The following TBC1D19 variants were observed in gnomAD, a reference collection of about 807,000 sequenced individuals.
TBC1D19 encodes TBC1 domain family, member 19.
TBC1D19 carries 60 observed loss-of-function variants against 89.0 expected under a neutral mutation model. The ratio of observed to expected loss-of-function variants is 0.67; its 90% CI spans 0.55 to 0.84. The LOEUF (loss-of-function observed/expected upper bound fraction) is 0.84, where lower values mean the gene tolerates loss of function less well. Ranked by LOEUF, TBC1D19 falls within the 40% of genes least tolerant of loss-of-function variation. The pLI, the probability that TBC1D19 is intolerant of heterozygous loss-of-function variation, is 0.00. For synonymous variants in TBC1D19, 189 were observed against 199.7 expected (o/e 0.95, Z 0.45); for missense variants, 500 against 610.8 (o/e 0.82, Z 1.91).
chr4:26,765,044 G>A, the TBC1D19 span, among the ~76,000 whole-genome samples: 1 of 152,120 alleles, frequency 6.6e-6, no homozygotes, highest in Non-Finnish European at 1.5e-5. Flanking sequence ...ACATGTTGAA[G>A]CCACAAAGGA....
the TBC1D19 span, among the ~76,000 whole-genome samples, chr4:26,768,557 G>C: frequency 6.6e-6 from 1 of 152,070 alleles, no homozygotes; most frequent in East Asian, 1.9e-4. Flanking sequence ...GTATAAGCAA[G>C]AACATTACTT....
At chr4:26,709,855 A>G (rs532984880) in intron 13 of TBC1D19, among the ~76,000 whole-genome samples, 34 of 152,016 alleles carry the variant, frequency 2.2e-4, no homozygotes, top group Admixed American at 1.1e-3. Context: ...TTTATAGATG[A>G]TTCTTACAAC....
intron 20 of TBC1D19, chr4:26,754,206 T>G: frequency 4.4e-6 from 1 of 229,382 alleles, no homozygotes; most frequent in Non-Finnish European, 8.7e-6. Flanking sequence ...TTCATGTCCA[T>G]GCATTATTTT....
rs781078831 is a variant in TBC1D19 at position 26,748,499 on chromosome 4, G to A, written c.1408G>A (p.Gly470Arg). The change falls in exon 19 of 21, where the codon GGA becomes AGA. Residue 470 changes from glycine to arginine, a missense_variant. Physicochemically the swap from Gly to Arg is moderately radical, Grantham distance 125 (BLOSUM62 -2). Coordinates refer to ENST00000264866, the MANE Select transcript of TBC1D19 (RefSeq NM_018317.4). ...QLLLLWDRILGYNSLEILAVL... is the reference protein window; with the variant it reads ...QLLLLWDRILRYNSLEILAVL... ...CTTGCTTTTATGGGATAGAATCCTA[G>A]GATACAACTCTCTGGAAATTCTTGC... 5 of 1,613,518 alleles carry A rather than the reference G, an allele frequency of 3.1e-6. No individual in the cohort carries two copies. Among genetic ancestry groups the A allele is most frequent in the Non-Finnish European group, 4.2e-6 (5 of 1,179,658 alleles).
At chr4:26,812,524 C>G in the TBC1D19 span, among the ~76,000 whole-genome samples, 57 of 152,228 alleles carry the variant, frequency 3.7e-4, no homozygotes, top group Admixed American at 1.1e-3. The surrounding 1 kb of genome is among the most constrained non-coding windows in gnomAD (Gnocchi z 4.2). Context: ...AGGGACCCAC[C>G]CTTTATTAAC....
intron 15 of TBC1D19, 127 bp downstream of exon 15, chr4:26,720,252 A>G (rs762161200): frequency 4.2e-5 from 28 of 671,940 alleles, no homozygotes; most frequent in Admixed American, 7.0e-5. Flanking sequence ...CTTCCATAGA[A>G]TGTATAATTT....
chr4:26,623,015 A>T (rs943644114), intron 4 of TBC1D19, among the ~76,000 whole-genome samples: 6 of 152,166 alleles, frequency 3.9e-5, no homozygotes, highest in Non-Finnish European at 7.3e-5. Flanking sequence ...CTCCCCTATC[A>T]GTAAGTATCT....
the TBC1D19 span, among the ~76,000 whole-genome samples, chr4:26,814,939 C>CG: frequency 2.0e-5 from 3 of 151,682 alleles, no homozygotes; most frequent in Admixed American, 6.6e-5. Flanking sequence ...GGAGGATCAC[C>CG]GGGACCCAGG....
At chr4:26,625,901 G>C (rs1742359759) in intron 4 of TBC1D19, among the ~76,000 whole-genome samples, 1 of 151,992 alleles carries the variant, frequency 6.6e-6, no homozygotes, top group South Asian at 2.1e-4. Context: ...TAGTATTTGT[G>C]AGCCTTCTCC....
the TBC1D19 span, among the ~76,000 whole-genome samples, chr4:26,801,797 A>G: frequency 5.0e-4 from 76 of 152,292 alleles, no homozygotes; most frequent in Non-Finnish European, 1.5e-4. Flanking sequence ...AATCCATGTG[A>G]CCAACGCATA....
intron 16 of TBC1D19, among the ~76,000 whole-genome samples, chr4:26,735,741 A>G (rs1490079692): frequency 2.0e-5 from 3 of 152,192 alleles, no homozygotes; most frequent in Admixed American, 6.5e-5. Flanking sequence ...TGAACGTTTT[A>G]AAATGTTGAG....
chr4:26,812,937 C>G, the TBC1D19 span, among the ~76,000 whole-genome samples: 1 of 151,990 alleles, frequency 6.6e-6, no homozygotes, highest in Non-Finnish European at 1.5e-5. The surrounding 1 kb of genome is among the most constrained non-coding windows in gnomAD (Gnocchi z 4.2). Flanking sequence ...GAATATCAGG[C>G]CAGGTGTGTT....
the TBC1D19 span, among the ~76,000 whole-genome samples, chr4:26,797,866 C>G: frequency 6.6e-6 from 1 of 152,094 alleles, no homozygotes. Context: ...ACCTGGATCC[C>G]TATCTCTCAC....
At chr4:26,763,038 G>C in the TBC1D19 span, among the ~76,000 whole-genome samples, 2 of 152,168 alleles carry the variant, frequency 1.3e-5, no homozygotes, top group African/African-American at 4.8e-5. Context: ...TCTCCTCGCA[G>C]CTAAATTAAG....
chr4:26,768,371 C>T, the TBC1D19 span, among the ~76,000 whole-genome samples: 1 of 152,176 alleles, frequency 6.6e-6, no homozygotes, highest in Non-Finnish European at 1.5e-5. Flanking sequence ...CCCATATCAG[C>T]ACACCTCAAG....
the TBC1D19 span, among the ~76,000 whole-genome samples, chr4:26,790,057 G>A: frequency 6.6e-6 from 1 of 152,162 alleles, no homozygotes; most frequent in African/African-American, 2.4e-5. Flanking sequence ...GGAGGGTGAG[G>A]AATGAGAAAT....
intron 18 of TBC1D19, among the ~76,000 whole-genome samples, chr4:26,747,369 A>T (rs796965621): frequency 3.9e-5 from 6 of 152,294 alleles, no homozygotes; most frequent in African/African-American, 1.4e-4. Context: ...TGTATATATA[A>T]AGAGATATTC....
intron 4 of TBC1D19, among the ~76,000 whole-genome samples, chr4:26,624,475 G>A (rs1477338425): frequency 2.0e-5 from 3 of 152,046 alleles, no homozygotes; most frequent in Admixed American, 2.0e-4. Context: ...CTCCCAAAGT[G>A]CTGGGATTAC....
chr4:26,660,327 G>T (rs1745144061), intron 8 of TBC1D19, among the ~76,000 whole-genome samples: 2 of 152,126 alleles, frequency 1.3e-5, no homozygotes, highest in African/African-American at 4.8e-5. Context: ...ATAACTCTGG[G>T]CATTAATGTA....
Sources: allele counts gnomAD v4.1 joint callset (sites outside exome capture counted in the v4.1 genomes callset), GRCh38; gene constraint gnomAD v4.1.1; non-coding constraint Gnocchi (gnomAD v3.1); transcripts MANE v1.5; gene names NCBI Gene and HGNC (gene_info 2026-07-23, HGNC 2026-07-21).